Variants in ESR2 observed in about 807,000 individuals in gnomAD.
The protein encoded by ESR2 is estrogen receptor 2, also known as estrogen receptor beta.
Under a neutral mutation model 49.6 loss-of-function variants are expected in ESR2, and 36 were observed. The ratio of observed to expected loss-of-function variants is 0.73; its 90% CI spans 0.56 to 0.96. The LOEUF is 0.96. Among genes scored for constraint, ESR2 ranks in the 40% least tolerant of loss-of-function variants. The probability of loss-of-function intolerance (pLI) is 0.00; values close to 1 mark genes in which losing one functional copy is unlikely to be tolerated. For missense variants in ESR2, 714 were observed against 693.0 expected, an observed-to-expected ratio of 1.03 and a Z score of -0.34; for synonymous variants, 320 against 266.1, an observed-to-expected ratio of 1.20 and a Z score of -1.97.
chr14:64,246,145 C>T (rs2075850866), intron 7 of ESR2, among the ~76,000 whole-genome samples: 1 of 152,202 alleles, frequency 6.6e-6, no homozygotes, highest in Non-Finnish European at 1.5e-5. Flanking sequence ...GAGTTCAAGA[C>T]CAGCCTGGAC....
chr14:64,260,893 A>G, intron 4 of ESR2, 145 bp from the exon 5 acceptor site: 1 of 628,932 alleles, frequency 1.6e-6, no homozygotes, highest in Middle Eastern at 4.7e-4. Context: ...CAACGACATA[A>G]CTTTTCAGAA....
downstream of ESR2, chr14:64,227,547 T>G (rs767166888): frequency 1.9e-6 from 3 of 1,614,102 alleles, no homozygotes; most frequent in Non-Finnish European, 2.5e-6. Context: ...TGCTCCATCG[T>G]TGCTTCAGGC....
At chr14:64,261,239 C>A (rs4991135) in intron 4 of ESR2, among the ~76,000 whole-genome samples, 2 of 127,106 alleles carry the variant, frequency 1.6e-5, no homozygotes, top group Non-Finnish European at 3.1e-5. Context: ...TTTCTTTTTT[C>A]TTTTTTTTTT....
chr14:64,236,662 G>A (rs763793196), intron 7 of ESR2, among the ~76,000 whole-genome samples: 39 of 151,976 alleles, frequency 2.6e-4, no homozygotes, highest in Admixed American at 1.5e-3. Context: ...TTGCTGCTTG[G>A]AAACTCTCTC....
rs774382661 is a variant in ESR2, at chr14:64,249,501, G to A, written c.1225+45C>T. On this transcript the variant is annotated intron_variant, in intron 7 of 8. Coordinates refer to ENST00000341099, the MANE Select transcript of ESR2 (RefSeq NM_001437.3). Reference sequence around the variant, plus strand: ...TAATATCACGCTAGTTGTAGAAACAGCATCTCTCCCCGATAAAACATGGCC... The same window carrying A: ...TAATATCACGCTAGTTGTAGAAACAACATCTCTCCCCGATAAAACATGGCC... 1.1e-5 allele frequency: 18 copies of A among 1,593,740 alleles called. No homozygotes were observed. In the African/African-American group the frequency reaches 1.8e-4, roughly 16 times the overall value.
chr14:64,227,937 G>A (rs2098723291), downstream of ESR2: 2 of 1,596,264 alleles, frequency 1.3e-6, no homozygotes, highest in Non-Finnish European at 1.7e-6. Flanking sequence ...CATCTGTAAA[G>A]GATATAATTC....
intron 7 of ESR2, among the ~76,000 whole-genome samples, chr14:64,246,705 C>G (rs951350283): frequency 2.3e-5 from 3 of 129,220 alleles, no homozygotes; most frequent in Non-Finnish European, 4.7e-5. Context: ...GCACTCCACT[C>G]TAGCCTGGCC....
intron 6 of ESR2, among the ~76,000 whole-genome samples, chr14:64,250,039 A>C (rs1177400102): frequency 2.0e-5 from 3 of 152,238 alleles, no homozygotes; most frequent in Non-Finnish European, 4.4e-5. Context: ...TCAGTCAACC[A>C]GCCCCAGATA....
At chr14:64,250,527 A>G (rs1031867051) in intron 6 of ESR2, among the ~76,000 whole-genome samples, 1 of 152,150 alleles carries the variant, frequency 6.6e-6, no homozygotes, top group Non-Finnish European at 1.5e-5. Flanking sequence ...ACACTCTATT[A>G]TTGTCAGTCA....
intron 6 of ESR2, among the ~76,000 whole-genome samples, chr14:64,249,932 G>T (rs771404109): frequency 2.0e-5 from 3 of 152,050 alleles, no homozygotes; most frequent in Non-Finnish European, 4.4e-5. Flanking sequence ...TATTATTTAG[G>T]CAAAAATGTG....
chr14:64,291,684 T>C (rs936637764), intron 1 of ESR2, among the ~76,000 whole-genome samples: 9 of 152,170 alleles, frequency 5.9e-5, no homozygotes, highest in African/African-American at 1.4e-4. Context: ...CTTCAAGACA[T>C]GAGCACAGAA....
At position 64,231,476 on chromosome 14, in the gene ESR2, G is replaced by A. The variant is rs549588489; in HGVS notation, c.*1661C>T. 11 of 152,176 alleles carry A rather than the reference G, an allele frequency of 7.2e-5. No individual in the cohort carries two copies. The highest frequency in any genetic ancestry group is 1.6e-4 in the Non-Finnish European group (11 of 68,048). 9.4% of individuals were successfully genotyped at this position (152,176 alleles called of 1,614,324 possible). A position where few individuals can be genotyped will look rare whatever the true frequency, so the allele number is the denominator to read the frequency against. On this transcript the variant is annotated 3_prime_UTR_variant, in exon 9 of 9. Transcript: ENST00000341099. ...CTAAGAATAACTTCAGACTGCCTCA[G>A]AACACAGACATCAGTGTGTTCTCTA...
At chr14:64,331,839 AAAAAAG>A (rs1419486619) in intron 1 of ESR2, among the ~76,000 whole-genome samples, 7 of 151,500 alleles carry the variant, frequency 4.6e-5, no homozygotes, top group Admixed American at 3.3e-4. Context: ...AAAAAAAAAA[AAAAAAG>A]AATCCTTTGC....
At chr14:64,283,960 C>G (rs2076739094) in intron 1 of ESR2, among the ~76,000 whole-genome samples, 2 of 151,980 alleles carry the variant, frequency 1.3e-5, no homozygotes. Context: ...AGGTCTCACT[C>G]TGTCACCCAG....
chr14:64,277,889 A>T (rs2076588010), intron 3 of ESR2, among the ~76,000 whole-genome samples: 1 of 152,082 alleles, frequency 6.6e-6, no homozygotes, highest in South Asian at 2.1e-4. Context: ...CAACATAGAG[A>T]AGCAAAGGAA....
intron 1 of ESR2, among the ~76,000 whole-genome samples, chr14:64,289,484 C>T (rs1028888433): frequency 1.3e-5 from 2 of 151,500 alleles, no homozygotes; most frequent in Admixed American, 6.6e-5. Flanking sequence ...TACACTCCAG[C>T]CTGGGCAACA....
chr14:64,262,666 C>T lies in ESR2; in HGVS notation c.653-1918G>A, dbSNP rs376498706. ...TTTAGGAGGCCAAAGGTGGTTTCGG[C>T]GGGTGGGGCGGGAGGGGACGGATCA... On this transcript the variant is annotated intron_variant, in intron 4 of 8. Transcript: ENST00000341099. Among the ~76,000 whole-genome samples the T allele has an allele frequency of 7.7e-4, 103 of 133,184 alleles. 1 individual carries two copies. In the South Asian group the frequency reaches 0.021, roughly 27 times the overall value. 87.4% of individuals were successfully genotyped at this position (133,184 alleles called of 152,430 possible).
intron 1 of ESR2, among the ~76,000 whole-genome samples, chr14:64,284,458 C>G (rs776679202): frequency 1.3e-5 from 2 of 151,746 alleles, no homozygotes; most frequent in Non-Finnish European, 2.9e-5. Context: ...TCCTGAGTAG[C>G]TGGGATTACA....
chr14:64,264,930 T>C (rs1357878351), intron 4 of ESR2, among the ~76,000 whole-genome samples: 2 of 152,088 alleles, frequency 1.3e-5, no homozygotes, highest in African/African-American at 2.4e-5. Context: ...CATTTCTCTT[T>C]TGTAGAGTAT....
Sources: allele counts gnomAD v4.1 joint callset (sites outside exome capture counted in the v4.1 genomes callset), GRCh38; gene constraint gnomAD v4.1.1; transcripts MANE v1.5; gene names NCBI Gene and HGNC (gene_info 2026-07-23, HGNC 2026-07-21).